Variants in ZSCAN23 observed in about 807,000 individuals in gnomAD.
The protein encoded by ZSCAN23 is zinc finger and SCAN domain-containing protein 23.
ZSCAN23 carries 19 observed loss-of-function variants against 19.3 expected under a neutral mutation model. The ratio of observed to expected loss-of-function variants is 0.99; its 90% CI spans 0.69 to 1.45. The LOEUF is 1.45. Among genes scored for constraint, ZSCAN23 ranks in the 40% most tolerant of loss-of-function variants. ZSCAN23 has a pLI of 0.00. For missense variants in ZSCAN23, 372 were observed against 462.5 expected (o/e 0.80, Z 1.79); for synonymous variants, 140 against 166.2 (o/e 0.84, Z 1.21).
At chr6:28,435,764 TA>T (rs61653240) in intron 2 of ZSCAN23, 94 bp downstream of exon 2, 2,230 of 1,288,028 alleles carry the variant, frequency 1.7e-3, no homozygotes, top group South Asian at 2.0e-3. Context: ...AAGTCTGGCA[TA>T]AAAAAAAAAT....
chr6:28,436,031 G>C lies in ZSCAN23; in HGVS notation c.236C>G (p.Pro79Arg), dbSNP rs201915589. Residue 79 changes from proline to arginine, a missense_variant, in exon 2 of 4, where the codon CCA becomes CGA. Pro to Arg is a moderately radical substitution (Grantham distance 103, BLOSUM62 -2). Coordinates refer to ENST00000289788, the MANE Select transcript of ZSCAN23 (RefSeq NM_001012455.2). ...GATCTGCTCCTTGGTGTGCATCTCT[G>C]GTCTCAGCCACTGATGGCAGAGCTC... ...LQELCHQWLR[P>R]EMHTKEQILE... 333 of 1,614,072 alleles carry C rather than the reference G, an allele frequency of 2.1e-4. No individual in the cohort carries two copies. The highest frequency in any genetic ancestry group is 2.5e-4 in the Non-Finnish European group (300 of 1,180,024).
chr6:28,421,925 G>A, the ZSCAN23 span, among the ~76,000 whole-genome samples: 2 of 152,236 alleles, frequency 1.3e-5, no homozygotes, highest in Non-Finnish European at 2.9e-5. Flanking sequence ...GAGAAAACTG[G>A]AAAATTGATA....
At position 28,440,105 on chromosome 6, in the gene ZSCAN23, T is replaced by C. The variant is rs1561980672; in HGVS notation, c.-78+3294A>G. Among the ~76,000 whole-genome samples the C allele has an allele frequency of 2.6e-5, 4 of 152,334 alleles. No homozygotes were observed. The East Asian group carries it at 7.7e-4, about 29-fold the overall frequency. On this transcript the variant is annotated intron_variant, in intron 1 of 3. Transcript: ENST00000289788. ...GGAAGTGAGGAGCAAGTCACATGGC[T>C]ATCTGGAGAAAGACTGTTCCATGCA... is the stretch of plus-strand genomic sequence containing the variant.
chr6:28,436,259 A>G lies in ZSCAN23; in HGVS notation c.8T>C (p.Ile3Thr). The G allele has an allele frequency of 4.5e-6, 7 of 1,542,348 alleles. No homozygotes were observed. The highest frequency in any genetic ancestry group is 6.1e-6 in the Non-Finnish European group (7 of 1,141,864). The change falls in exon 2 of 4, where the codon ATA (isoleucine) becomes ACA (threonine). Residue 3 changes from isoleucine to threonine, a missense_variant. Transcript: ENST00000289788. The stretch of plus-strand genomic sequence containing the variant: ...CTCTGCAGTCTGAAGGGTCAAGGTT[A>G]TGGCCATCAAAGGTTTAACTATTCA... Reference protein sequence around the residue: MAITLTLQTAEMQ... With the variant: MATTLTLQTAEMQ...
Position 28,434,204 on chromosome 6 carries a change from T to G in ZSCAN23, c.*261A>C, listed in dbSNP as rs962220549. ...AAAAACTAGGATGAAGAAGTTTTCC[T>G]GAAATAGAAAACTTCTTGCACAGAT... On this transcript the variant is annotated 3_prime_UTR_variant, in exon 4 of 4. Transcript: ENST00000289788. 8 of 358,760 alleles carry G rather than the reference T, an allele frequency of 2.2e-5. No individual in the cohort carries two copies. The highest frequency in any genetic ancestry group is 3.5e-5 in the Non-Finnish European group (7 of 200,744). 22.2% of individuals were successfully genotyped at this position (358,760 alleles called of 1,614,324 possible).
Position 28,436,249 on chromosome 6 carries a change from G to A in ZSCAN23, c.18C>T (p.Thr6=). 6.5e-7 allele frequency: 1 copy of A among 1,549,270 alleles called. No individual in the cohort carries two copies. The highest frequency in any genetic ancestry group is 8.7e-7 in the Non-Finnish European group (1 of 1,145,574). The part of the protein sequence containing the change: MAITL[T]LQTAEMQEGL... ...CTTCCTGCATCTCTGCAGTCTGAAG[G>A]GTCAAGGTTATGGCCATCAAAGGTT... The change falls in exon 2 of 4, where the codon ACC becomes ACT. Residue 6 remains threonine (T), a synonymous_variant. Coordinates refer to ENST00000289788, the MANE Select transcript of ZSCAN23 (RefSeq NM_001012455.2).
rs538362645 is a variant in ZSCAN23, at chr6:28,440,580, T to C, written c.-78+2819A>G. The stretch of plus-strand genomic sequence containing the variant: ...CTCACATTACTCAATAAACGTACCA[T>C]GGATTCAAAGGATGAAACAGCCACT... On this transcript the variant is annotated intron_variant, in intron 1 of 3. Transcript: ENST00000289788. 1.3e-3 allele frequency among the ~76,000 whole-genome samples: 195 copies of C among 152,302 alleles called. 1 individual carries two copies. The highest frequency in any genetic ancestry group is 4.3e-3 in the African/African-American group (178 of 41,578).
At position 28,435,391 on chromosome 6, in the gene ZSCAN23, A is replaced by C. The variant is rs549299109; in HGVS notation, c.556+69T>G. 6 of 1,516,174 alleles carry C rather than the reference A, an allele frequency of 4.0e-6. No homozygotes were observed. The African/African-American group carries it at 6.9e-5, about 17-fold the overall frequency. 93.9% of individuals were successfully genotyped at this position (1,516,174 alleles called of 1,614,324 possible). A position where few individuals can be genotyped will look rare whatever the true frequency, so the allele number is the denominator to read the frequency against. The stretch of plus-strand genomic sequence containing the variant: ...AGTGCCTGGCATACAGCAGACACTA[A>C]ATAAATGGGTTGAATTGATAAATAT... On this transcript the variant is annotated intron_variant, in intron 3 of 3. Transcript: ENST00000289788.
Position 28,434,435 on chromosome 6 carries a change from G to A in ZSCAN23, c.*30C>T. On this transcript the variant is annotated 3_prime_UTR_variant, in exon 4 of 4. Coordinates refer to ENST00000289788, the MANE Select transcript of ZSCAN23 (RefSeq NM_001012455.2). The stretch of plus-strand genomic sequence containing the variant: ...AGAGGACACAGCAGGGACAAAGTAA[G>A]AAATATTATCCCCTACCTGTTCCAA... 6.7e-7 allele frequency: 1 copy of A among 1,493,718 alleles called. No homozygotes were observed. Among genetic ancestry groups the A allele is most frequent in the Non-Finnish European group, 9.0e-7 (1 of 1,116,328 alleles). The allele number at this position is 1,493,718 out of a possible 1,614,324, so 92.5% of individuals were successfully genotyped here.
chr6:28,434,287 A>G lies in ZSCAN23; in HGVS notation c.*178T>C. 1 of 633,368 alleles carries G rather than the reference A, an allele frequency of 1.6e-6. No individual in the cohort carries two copies. The highest frequency in any genetic ancestry group is 2.6e-6 in the Non-Finnish European group (1 of 386,950). 39.2% of individuals were successfully genotyped at this position (633,368 alleles called of 1,614,324 possible). ...GAAATCAACACAAGAGGCAACATTC[A>G]GTATTGCAAAGCTGTGGATGTCACT... On this transcript the variant is annotated 3_prime_UTR_variant, in exon 4 of 4. Transcript: ENST00000289788.
chr6:28,440,898 A>G (rs1019353153), intron 1 of ZSCAN23, among the ~76,000 whole-genome samples: 3 of 152,102 alleles, frequency 2.0e-5, no homozygotes, highest in African/African-American at 7.2e-5. Flanking sequence ...GCACCAGCAT[A>G]CCTGAGTTCT....
the ZSCAN23 span, among the ~76,000 whole-genome samples, chr6:28,423,664 C>A: frequency 6.6e-6 from 1 of 152,228 alleles, no homozygotes; most frequent in Non-Finnish European, 1.5e-5. Flanking sequence ...GGGCTAGATT[C>A]TTTAACTATT....
chr6:28,427,152 T>G (rs530676378), downstream of ZSCAN23, among the ~76,000 whole-genome samples: 5 of 152,340 alleles, frequency 3.3e-5, no homozygotes, highest in African/African-American at 1.2e-4. Flanking sequence ...CACATCTGAC[T>G]TATCAGTCCC....
the ZSCAN23 span, among the ~76,000 whole-genome samples, chr6:28,422,374 A>G: frequency 8.1e-4 from 123 of 152,312 alleles, 3 homozygotes; most frequent in East Asian, 0.018. The surrounding 1 kb of genome is among the most constrained non-coding windows in gnomAD (Gnocchi z 4.0). Flanking sequence ...AGCTACATAT[A>G]GGTATTATAT....
chr6:28,440,184 A>G (rs1192278644), intron 1 of ZSCAN23, among the ~76,000 whole-genome samples: 1 of 152,230 alleles, frequency 6.6e-6, no homozygotes, highest in Non-Finnish European at 1.5e-5. Context: ...TGGATTCTTC[A>G]GGTAATAGCT....
chr6:28,427,180 C>T (rs867276676), downstream of ZSCAN23, among the ~76,000 whole-genome samples: 8 of 152,198 alleles, frequency 5.3e-5, no homozygotes, highest in South Asian at 4.2e-4. Context: ...ACAAACAGGG[C>T]CCCCTTGGTA....
intron 1 of ZSCAN23, among the ~76,000 whole-genome samples, chr6:28,438,011 G>A (rs1325455510): frequency 1.3e-5 from 2 of 151,986 alleles, no homozygotes; most frequent in Admixed American, 6.5e-5. Context: ...ATAATAACCT[G>A]TAGAATAAAA....
At chr6:28,422,476 G>A in the ZSCAN23 span, among the ~76,000 whole-genome samples, 2 of 152,042 alleles carry the variant, frequency 1.3e-5, no homozygotes, top group African/African-American at 4.8e-5. This position sits in a 1 kb window ranked among gnomAD's most constrained non-coding sequence, Gnocchi z 4.0. Flanking sequence ...GCATGCATGC[G>A]TGCTTTCCCA....
Position 28,435,605 on chromosome 6 carries a change from G to A in ZSCAN23, c.411C>T (p.Val137=). The A allele has an allele frequency of 1.3e-6, 2 of 1,550,382 alleles. No individual in the cohort carries two copies. Among genetic ancestry groups the A allele is most frequent in the East Asian group, 4.9e-5 (2 of 40,910 alleles). The change falls in exon 3 of 4, where the codon GTC becomes GTT. Residue 137 remains valine, a splice_region_variant and synonymous_variant. Coordinates refer to ENST00000289788, the MANE Select transcript of ZSCAN23 (RefSeq NM_001012455.2). Reference sequence around the variant, plus strand: ...CTTCCTGTTCATGAGCATGGCTCAGGACCTGGTGGAAATCAAGGACAGTTG... The same window carrying A: ...CTTCCTGTTCATGAGCATGGCTCAGAACCTGGTGGAAATCAAGGACAGTTG... ...ERELDDPGEQ[V]LSHAHEQEEF... is the part of the protein sequence containing the mutation.
Sources: gnomAD v4.1 joint callset for allele counts (sites outside exome capture counted in the v4.1 genomes callset) on GRCh38, gnomAD v4.1.1 for gene constraint, Gnocchi (gnomAD v3.1) non-coding constraint, MANE v1.5 for transcripts, NCBI Gene and HGNC (gene_info 2026-07-23, HGNC 2026-07-21) for gene names.